THSD7B: variants seen among roughly 807,000 people sequenced by gnomAD.
The protein encoded by THSD7B is thrombospondin type-1 domain-containing protein 7B.
THSD7B carries 138 observed loss-of-function variants against 213.6 expected under a neutral mutation model. The observed-to-expected ratio is 0.65, with a 90% CI of 0.56 to 0.74. The LOEUF is 0.74. Among genes scored for constraint, THSD7B ranks in the 30% least tolerant of loss-of-function variants. THSD7B has a pLI of 0.00. For missense variants in THSD7B, 1,931 were observed against 1,991.5 expected, an observed-to-expected ratio of 0.97 and a Z score of 0.58; for synonymous variants, 742 against 687.0, an observed-to-expected ratio of 1.08 and a Z score of -1.25.
At chr2:137,215,708 C>G (rs1681223502) in intron 7 of THSD7B, among the ~76,000 whole-genome samples, 1 of 152,096 alleles carries the variant, frequency 6.6e-6, no homozygotes, top group Admixed American at 6.6e-5. Context: ...AAGACATTGG[C>G]CAAGTTTGTT....
chr2:137,031,946 A>G (rs1272453042), intron 2 of THSD7B, among the ~76,000 whole-genome samples: 1 of 151,762 alleles, frequency 6.6e-6, no homozygotes, highest in African/African-American at 2.4e-5. Context: ...GGTTTAAACA[A>G]TCCTCCCACC....
intron 7 of THSD7B, among the ~76,000 whole-genome samples, chr2:137,176,003 GTGT>G (rs1680351194): frequency 6.6e-6 from 1 of 152,040 alleles, no homozygotes; most frequent in South Asian, 2.1e-4. Context: ...GTTGTATCTC[GTGT>G]TGTTAACAAA....
intron 15 of THSD7B, among the ~76,000 whole-genome samples, chr2:137,530,719 A>G (rs1443220154): frequency 6.6e-6 from 1 of 152,004 alleles, no homozygotes; most frequent in Non-Finnish European, 1.5e-5. Flanking sequence ...ATGCCGAAGC[A>G]GAACTCTAGG....
chr2:137,227,610 T>C lies in THSD7B; in HGVS notation c.1724-3434T>C, dbSNP rs376027379. ...TCTGAGATGGGTTCTGTCTGCACAATGGGAAGATAATTATACCAATGTATA... is the reference window on the plus strand; with the variant it reads ...TCTGAGATGGGTTCTGTCTGCACAACGGGAAGATAATTATACCAATGTATA... On this transcript the variant is annotated intron_variant, in intron 7 of 27. Transcript: ENST00000409968. Among the ~76,000 whole-genome samples the C allele has an allele frequency of 2.6e-5, 4 of 152,218 alleles. No individual in the cohort carries two copies. In the East Asian group the frequency reaches 7.7e-4, roughly 29 times the overall value.
intron 15 of THSD7B, among the ~76,000 whole-genome samples, chr2:137,555,654 A>G (rs184120756): frequency 3.3e-3 from 502 of 152,326 alleles, no homozygotes; most frequent in Non-Finnish European, 5.6e-3. Flanking sequence ...CTCCAAAGGA[A>G]CACAGCTCCT....
intron 17 of THSD7B, among the ~76,000 whole-genome samples, chr2:137,584,857 A>G (rs1681682134): frequency 1.3e-5 from 2 of 152,172 alleles, no homozygotes; most frequent in Non-Finnish European, 2.9e-5. Flanking sequence ...TCATAAAATG[A>G]GTTAGCGAGG....
intron 17 of THSD7B, among the ~76,000 whole-genome samples, chr2:137,575,738 A>ATATATATATATATATATG (rs1461878017): frequency 2.0e-5 from 3 of 150,076 alleles, no homozygotes; most frequent in Admixed American, 1.3e-4. Flanking sequence ...ATATATATAT[A>ATATATATATATATATATG]TATATTTTTA....
At chr2:136,829,285 G>A (rs2104945655) in intron 1 of THSD7B, among the ~76,000 whole-genome samples, 1 of 152,148 alleles carries the variant, frequency 6.6e-6, no homozygotes, top group African/African-American at 2.4e-5. Flanking sequence ...ATATGTGGAA[G>A]TTCAGCCACA....
At chr2:137,560,096 C>A (rs543573976) in intron 15 of THSD7B, among the ~76,000 whole-genome samples, 3 of 122,314 alleles carry the variant, frequency 2.5e-5, no homozygotes, top group Admixed American at 1.7e-4. Context: ...AATAGGAATA[C>A]TTTTACACTG....
intron 3 of THSD7B, among the ~76,000 whole-genome samples, chr2:137,059,836 T>G (rs1455986911): frequency 6.6e-6 from 1 of 152,174 alleles, no homozygotes; most frequent in Non-Finnish European, 1.5e-5. Context: ...CTATAAAAGT[T>G]TATGTGTGTA....
At chr2:137,555,425 G>T (rs980588535) in intron 15 of THSD7B, among the ~76,000 whole-genome samples, 1 of 152,194 alleles carries the variant, frequency 6.6e-6, no homozygotes, top group Non-Finnish European at 1.5e-5. Flanking sequence ...TGATACCCAG[G>T]CAAACAGGGC....
At chr2:136,940,863 GTT>G (rs34409932) in intron 2 of THSD7B, among the ~76,000 whole-genome samples, 11 of 132,080 alleles carry the variant, frequency 8.3e-5, no homozygotes, top group African/African-American at 1.6e-4. Flanking sequence ...ATTCTTAGTT[GTT>G]TTTTTTTTTT....
chr2:137,102,165 C>T (rs568125628), intron 4 of THSD7B, among the ~76,000 whole-genome samples: 4 of 152,278 alleles, frequency 2.6e-5, no homozygotes, highest in Admixed American at 2.6e-4. Flanking sequence ...TGGTGGGTGC[C>T]CCTCTGGGGT....
At chr2:137,672,603 C>G (rs1683601233) in intron 27 of THSD7B, among the ~76,000 whole-genome samples, 1 of 152,172 alleles carries the variant, frequency 6.6e-6, no homozygotes, top group Non-Finnish European at 1.5e-5. Flanking sequence ...TTCACAGCAT[C>G]TAATTCTATT....
intron 3 of THSD7B, among the ~76,000 whole-genome samples, chr2:137,069,577 G>A (rs905105486): frequency 6.6e-6 from 1 of 151,936 alleles, no homozygotes; most frequent in African/African-American, 2.4e-5. Context: ...TTAAATGAAT[G>A]CACTGTGACT....
At chr2:137,645,202 A>G (rs1029453800) in intron 21 of THSD7B, among the ~76,000 whole-genome samples, 3 of 152,228 alleles carry the variant, frequency 2.0e-5, no homozygotes, top group Non-Finnish European at 4.4e-5. Context: ...AGTACTTTGC[A>G]TAGTAATAGA....
intron 12 of THSD7B, among the ~76,000 whole-genome samples, chr2:137,361,149 G>C (rs1685247533): frequency 6.6e-6 from 1 of 152,186 alleles, no homozygotes; most frequent in African/African-American, 2.4e-5. Context: ...CTGACTGTTA[G>C]AAGGAAAACC....
rs79374806 is a variant in THSD7B at position 137,166,596 on chromosome 2, G to A, written c.1526-4145G>A. On this transcript the variant is annotated intron_variant, in intron 6 of 27. Transcript: ENST00000409968. Reference sequence around the variant, plus strand: ...CCCAAGTCCTTAAAAATTCCCAAAGGACAAGATACTTTGAAACTGAGAAGC... The same window carrying A: ...CCCAAGTCCTTAAAAATTCCCAAAGAACAAGATACTTTGAAACTGAGAAGC... 2.6e-5 allele frequency among the ~76,000 whole-genome samples: 4 copies of A among 152,198 alleles called. No individual in the cohort carries two copies. The East Asian group carries it at 7.7e-4, about 29-fold the overall frequency.
intron 3 of THSD7B, among the ~76,000 whole-genome samples, chr2:137,088,776 C>A (rs1687890131): frequency 6.6e-6 from 1 of 151,598 alleles, no homozygotes; most frequent in Non-Finnish European, 1.5e-5. Context: ...CTCAAACCAA[C>A]AAGAAAAAAC....
Sources: gnomAD v4.1 joint callset for allele counts (sites outside exome capture counted in the v4.1 genomes callset) on GRCh38, gnomAD v4.1.1 for gene constraint, MANE v1.5 for transcripts, NCBI Gene and HGNC (gene_info 2026-07-23, HGNC 2026-07-21) for gene names.